Variants in ATRNL1 observed in about 807,000 individuals in gnomAD.
The protein encoded by ATRNL1 is attractin like 1.
Under a neutral mutation model 182.7 loss-of-function variants are expected in ATRNL1, and 95 were observed. The observed-to-expected ratio is 0.52, with a 90% CI of 0.44 to 0.62. The LOEUF (loss-of-function observed/expected upper bound fraction) is 0.62. ATRNL1 is among the 20% of genes least tolerant of loss of function. The pLI is 0.00. For synonymous variants in ATRNL1, 576 were observed against 568.3 expected (o/e 1.01, Z -0.19); for missense variants, 1,471 against 1,679.5 (o/e 0.88, Z 2.17).
chr10:115,295,694 C>G (rs1303889795), intron 15 of ATRNL1, among the ~76,000 whole-genome samples: 4 of 152,082 alleles, frequency 2.6e-5, no homozygotes, highest in African/African-American at 9.7e-5. Context: ...GCTTGGCTGG[C>G]TCAAGGACCA....
At chr10:115,349,935 G>GC (rs1457706949) in intron 19 of ATRNL1, among the ~76,000 whole-genome samples, 1 of 152,100 alleles carries the variant, frequency 6.6e-6, no homozygotes, top group Non-Finnish European at 1.5e-5. Context: ...TGTTAGCTGT[G>GC]CAGAAGCATT....
chr10:115,357,665 C>G (rs1366383988), intron 19 of ATRNL1, among the ~76,000 whole-genome samples: 1 of 151,514 alleles, frequency 6.6e-6, no homozygotes, highest in Non-Finnish European at 1.5e-5. Flanking sequence ...TATCTTTTAT[C>G]TTACCTTTAC....
intron 8 of ATRNL1, among the ~76,000 whole-genome samples, chr10:115,188,102 G>A (rs1848024789): frequency 6.6e-6 from 1 of 151,178 alleles, no homozygotes; most frequent in Non-Finnish European, 1.5e-5. Context: ...GGAGAGGAAG[G>A]GAGAGAGAGA....
At chr10:115,609,937 G>C (rs149956318) in intron 26 of ATRNL1, among the ~76,000 whole-genome samples, 33 of 152,086 alleles carry the variant, frequency 2.2e-4, no homozygotes, top group African/African-American at 6.0e-4. Context: ...TTTGTGAGAC[G>C]TGTTGTTTGT....
At chr10:115,916,577 C>T (rs782665470) in intron 28 of ATRNL1, among the ~76,000 whole-genome samples, 6 of 152,312 alleles carry the variant, frequency 3.9e-5, no homozygotes, top group African/African-American at 1.4e-4. Context: ...CTTGGCTGCA[C>T]GATAAATTTC....
chr10:115,247,312 TA>T (rs1199714102), intron 10 of ATRNL1, among the ~76,000 whole-genome samples: 3 of 151,842 alleles, frequency 2.0e-5, no homozygotes, highest in African/African-American at 7.2e-5. Context: ...TTCTCAATGA[TA>T]AAAAAAACCT....
intron 1 of ATRNL1, among the ~76,000 whole-genome samples, chr10:115,111,593 T>G (rs1269940670): frequency 6.6e-6 from 1 of 152,104 alleles, no homozygotes; most frequent in Admixed American, 6.5e-5. Flanking sequence ...TCTCAGGAAC[T>G]AATAGAGTGA....
At chr10:115,629,436 C>T (rs1858338255) in intron 26 of ATRNL1, among the ~76,000 whole-genome samples, 1 of 152,090 alleles carries the variant, frequency 6.6e-6, no homozygotes, top group Non-Finnish European at 1.5e-5. Context: ...CCTTGCCAGA[C>T]ATGATGTTTT....
At chr10:115,440,831 A>T (rs1846635678) in intron 21 of ATRNL1, among the ~76,000 whole-genome samples, 1 of 151,952 alleles carries the variant, frequency 6.6e-6, no homozygotes, top group Non-Finnish European at 1.5e-5. Context: ...TATCAAAGGA[A>T]AATGCAAAAC....
chr10:115,925,746 A>G (rs1953210858), intron 28 of ATRNL1, among the ~76,000 whole-genome samples: 1 of 152,214 alleles, frequency 6.6e-6, no homozygotes, highest in Non-Finnish European at 1.5e-5. Flanking sequence ...CCAATACAGG[A>G]GCAGCCAGAT....
intron 19 of ATRNL1, among the ~76,000 whole-genome samples, chr10:115,367,564 A>T (rs571295059): frequency 5.0e-4 from 76 of 152,066 alleles, no homozygotes; most frequent in African/African-American, 1.7e-3. Context: ...GCTGGTGAGG[A>T]ACTGCGTCCC....
rs782382520 is a variant in ATRNL1, at chr10:115,519,223, G to A, written c.3655-40G>A. 20 of 1,521,646 alleles carry A rather than the reference G, an allele frequency of 1.3e-5. No individual in the cohort carries two copies. In the Admixed American group the frequency reaches 3.3e-4, roughly 25 times the overall value. 94.3% of individuals were successfully genotyped at this position (1,521,646 alleles called of 1,614,324 possible). On this transcript the variant is annotated intron_variant, in intron 24 of 28. Transcript: ENST00000355044. Reference sequence around the variant, plus strand: ...ATGAAATATCACCACAGGTTTTAGAGAAGAACATACTTTCAATTTTTTTTA... The same window carrying A: ...ATGAAATATCACCACAGGTTTTAGAAAAGAACATACTTTCAATTTTTTTTA...
intron 26 of ATRNL1, among the ~76,000 whole-genome samples, chr10:115,617,523 C>T (rs1005603350): frequency 2.0e-5 from 3 of 152,068 alleles, no homozygotes; most frequent in Admixed American, 2.0e-4. Flanking sequence ...CCACACCCAG[C>T]TAATTTTTGT....
chr10:115,527,910 TCCTTCCTC>T (rs1851315391), intron 25 of ATRNL1, among the ~76,000 whole-genome samples: 2 of 89,250 alleles, frequency 2.2e-5, no homozygotes, highest in African/African-American at 3.8e-5. Context: ...CTTCCTTCCT[TCCTTCCTC>T]CCTTCCTCCC....
chr10:115,616,421 A>G (rs1216299837), intron 26 of ATRNL1, among the ~76,000 whole-genome samples: 2 of 152,214 alleles, frequency 1.3e-5, no homozygotes, highest in African/African-American at 4.8e-5. Context: ...ATGTGGTAGA[A>G]AAGAAAAACC....
intron 17 of ATRNL1, among the ~76,000 whole-genome samples, chr10:115,305,182 G>A (rs572659433): frequency 6.6e-6 from 1 of 151,986 alleles, no homozygotes; most frequent in Admixed American, 6.6e-5. Flanking sequence ...GGCAATGCAC[G>A]TAGAGACTTA....
At chr10:115,747,889 G>A (rs1555069606) in intron 27 of ATRNL1, among the ~76,000 whole-genome samples, 1 of 152,014 alleles carries the variant, frequency 6.6e-6, no homozygotes, top group East Asian at 1.9e-4. Context: ...TCCTCTTATG[G>A]TGAAAGATGC....
intron 20 of ATRNL1, among the ~76,000 whole-genome samples, chr10:115,411,455 T>C (rs1554959888): frequency 6.6e-6 from 1 of 152,022 alleles, no homozygotes; most frequent in African/African-American, 2.4e-5. Context: ...AAGTCTGTAA[T>C]ACATAGTTCA....
intron 20 of ATRNL1, among the ~76,000 whole-genome samples, chr10:115,397,777 T>G (rs1844361697): frequency 6.6e-6 from 1 of 151,884 alleles, no homozygotes; most frequent in Non-Finnish European, 1.5e-5. Context: ...CTCAAGAATG[T>G]TGAGAGCTGG....
Sources: gnomAD v4.1 joint callset for allele counts (sites outside exome capture counted in the v4.1 genomes callset) on GRCh38, gnomAD v4.1.1 for gene constraint, MANE v1.5 for transcripts, NCBI Gene and HGNC (gene_info 2026-07-23, HGNC 2026-07-21) for gene names.